GNB4: variants seen among roughly 807,000 people sequenced by gnomAD.
GNB4 encodes G protein subunit beta 4.
GNB4 carries 28 observed loss-of-function variants against 45.2 expected under a neutral mutation model. The observed-to-expected ratio is 0.62, with a 90% CI of 0.46 to 0.85. GNB4 has a LOEUF of 0.85. GNB4 is among the 40% of genes least tolerant of loss of function. The pLI is 0.00. For synonymous variants in GNB4, 132 were observed against 143.7 expected (o/e 0.92, Z 0.58); for missense variants, 321 against 425.4 (o/e 0.75, Z 2.16).
the GNB4 span, among the ~76,000 whole-genome samples, chr3:179,495,195 A>G: frequency 1.3e-5 from 2 of 152,092 alleles, no homozygotes; most frequent in African/African-American, 4.8e-5. Context: ...AGAGACCAGT[A>G]TGGGCAAGAT....
chr3:179,450,718 C>T (rs564376573), intron 1 of GNB4, among the ~76,000 whole-genome samples: 1 of 152,304 alleles, frequency 6.6e-6, no homozygotes, highest in Non-Finnish European at 1.5e-5. Flanking sequence ...ATATGGCAAT[C>T]ATCTGTGTTC....
chr3:179,437,068 A>G (rs1033918905), intron 1 of GNB4, among the ~76,000 whole-genome samples: 1 of 152,172 alleles, frequency 6.6e-6, no homozygotes, highest in Non-Finnish European at 1.5e-5. Flanking sequence ...TACAGTCTAA[A>G]AGGGAAGACA....
chr3:179,410,979 A>G (rs895223943), intron 8 of GNB4, among the ~76,000 whole-genome samples: 14 of 152,216 alleles, frequency 9.2e-5, no homozygotes, highest in Admixed American at 3.3e-4. Context: ...ATCTAATACG[A>G]CATCACATTA....
the GNB4 span, among the ~76,000 whole-genome samples, chr3:179,459,622 C>T: frequency 1.3e-5 from 2 of 150,920 alleles, no homozygotes; most frequent in African/African-American, 4.9e-5. Flanking sequence ...GCAGAGGATG[C>T]GGTGAGCCGA....
chr3:179,467,001 C>A, the GNB4 span, among the ~76,000 whole-genome samples: 2 of 152,136 alleles, frequency 1.3e-5, no homozygotes, highest in African/African-American at 4.8e-5. Flanking sequence ...ATGATAAATA[C>A]TTTTTTAAAA....
the GNB4 span, among the ~76,000 whole-genome samples, chr3:179,527,454 A>G: frequency 1.3e-5 from 2 of 152,188 alleles, no homozygotes; most frequent in East Asian, 1.9e-4. Flanking sequence ...TTAAATAATA[A>G]TGATATTTAT....
chr3:179,463,726 G>A, the GNB4 span, among the ~76,000 whole-genome samples: 2 of 152,220 alleles, frequency 1.3e-5, no homozygotes, highest in African/African-American at 2.4e-5. Context: ...CCAAGAAAAT[G>A]CAGATTTCCA....
intron 8 of GNB4, among the ~76,000 whole-genome samples, chr3:179,412,467 G>A: frequency 6.6e-6 from 1 of 152,072 alleles, no homozygotes; most frequent in East Asian, 1.9e-4. Context: ...AACGGAATGA[G>A]ACCCTGTCTC....
intron 1 of GNB4, among the ~76,000 whole-genome samples, chr3:179,444,969 T>C (rs942999983): frequency 2.0e-4 from 31 of 151,978 alleles, no homozygotes; most frequent in African/African-American, 7.3e-4. Context: ...GGTGTTTAGT[T>C]GAAAAACTGA....
chr3:179,420,969 T>TG lies in GNB4; in HGVS notation c.58-43dup, dbSNP rs752787663. The TG allele has an allele frequency of 3.5e-6, 4 of 1,131,872 alleles. No individual in the cohort carries two copies. In the African/African-American group the frequency reaches 4.6e-5, roughly 13 times the overall value. The allele number at this position is 1,131,872 out of a possible 1,614,324, so 70.1% of individuals were successfully genotyped here. ...TGATTATAATGCATTTAGCAACCTG[T>TG]GGAATGACTAAAGTGATACTTTTAT... On this transcript the variant is annotated intron_variant, in intron 2 of 9. Coordinates refer to ENST00000232564, the MANE Select transcript of GNB4 (RefSeq NM_021629.4).
At chr3:179,427,907 AT>A (rs1249538245) in intron 1 of GNB4, among the ~76,000 whole-genome samples, 1 of 152,018 alleles carries the variant, frequency 6.6e-6, no homozygotes, top group Non-Finnish European at 1.5e-5. Flanking sequence ...TTTCTACAGA[AT>A]GACTTTTTCT....
intron 8 of GNB4, among the ~76,000 whole-genome samples, chr3:179,409,124 G>T (rs1714567183): frequency 1.3e-5 from 1 of 76,938 alleles, no homozygotes; most frequent in Non-Finnish European, 2.7e-5. Context: ...GTGAAACCCA[G>T]TAAAAAAAAA....
upstream of GNB4, chr3:179,452,264 T>A (rs565342726): frequency 6.6e-6 from 1 of 152,086 alleles, no homozygotes; most frequent in Admixed American, 6.5e-5. Flanking sequence ...GTTTAAAATG[T>A]CATAAAATAA....
the GNB4 span, among the ~76,000 whole-genome samples, chr3:179,472,454 C>T: frequency 7.3e-5 from 11 of 150,550 alleles, no homozygotes; most frequent in African/African-American, 2.7e-4. Flanking sequence ...TCACTGCAGC[C>T]TCAACCTCCC....
At chr3:179,419,348 G>T in intron 4 of GNB4, 51 bp downstream of exon 4, 2 of 1,104,692 alleles carry the variant, frequency 1.8e-6, no homozygotes, top group Non-Finnish European at 2.8e-6. Context: ...GGTTCTTAAT[G>T]AAAATAATTC....
At chr3:179,484,138 G>C in the GNB4 span, among the ~76,000 whole-genome samples, 1 of 152,154 alleles carries the variant, frequency 6.6e-6, no homozygotes, top group African/African-American at 2.4e-5. Flanking sequence ...TATAAAATGA[G>C]TACGTATCAA....
At chr3:179,412,802 T>A (rs1714688140) in intron 8 of GNB4, among the ~76,000 whole-genome samples, 1 of 150,924 alleles carries the variant, frequency 6.6e-6, no homozygotes, top group South Asian at 2.1e-4. Flanking sequence ...AATTCACTGG[T>A]AGAACATCCA....
At chr3:179,429,022 G>A (rs925514937) in intron 1 of GNB4, among the ~76,000 whole-genome samples, 8 of 152,200 alleles carry the variant, frequency 5.3e-5, no homozygotes, top group African/African-American at 9.7e-5. Context: ...CCATCACTCC[G>A]TGGATGGGGC....
chr3:179,498,153 G>T, the GNB4 span, among the ~76,000 whole-genome samples: 1 of 152,202 alleles, frequency 6.6e-6, no homozygotes, highest in Non-Finnish European at 1.5e-5. Flanking sequence ...AGTATTGGCT[G>T]ATGGATGAAA....
Sources: gnomAD v4.1 joint callset for allele counts (sites outside exome capture counted in the v4.1 genomes callset) on GRCh38, gnomAD v4.1.1 for gene constraint, MANE v1.5 for transcripts, NCBI Gene and HGNC (gene_info 2026-07-23, HGNC 2026-07-21) for gene names.